Variants in RREB1 observed in about 807,000 individuals in gnomAD.
RREB1 encodes the protein ras-responsive element-binding protein 1.
Under a neutral mutation model 117.8 loss-of-function variants are expected in RREB1, and 27 were observed. That is an observed-to-expected ratio of 0.23 (90% CI 0.17 to 0.32). The LOEUF is 0.32. Ranked by LOEUF, RREB1 falls within the 10% of genes least tolerant of loss-of-function variation. RREB1 has a pLI of 1.00. For missense variants in RREB1, 2,577 were observed against 2,378.2 expected (o/e 1.08, Z -1.74); for synonymous variants, 1,298 against 1,026.7 (o/e 1.26, Z -5.05).
intron 6 of RREB1, among the ~76,000 whole-genome samples, chr6:7,193,074 C>G (rs1182387113): frequency 6.6e-6 from 1 of 152,162 alleles, no homozygotes; most frequent in Non-Finnish European, 1.5e-5. Flanking sequence ...CTTCAGTTTT[C>G]ACAAATTTGT....
At chr6:7,180,406 T>A (rs1264782260) in intron 2 of RREB1, among the ~76,000 whole-genome samples, 1 of 152,222 alleles carries the variant, frequency 6.6e-6, no homozygotes, top group Non-Finnish European at 1.5e-5. Flanking sequence ...ACAGCTGAGA[T>A]GATGAGCTTG....
chr6:7,214,766 A>G (rs1397349941), intron 8 of RREB1: 1 of 152,284 alleles, frequency 6.6e-6, no homozygotes, highest in East Asian at 1.9e-4. Flanking sequence ...TTTGTAACTC[A>G]AAACAGCTGT....
chr6:7,140,532 G>A (rs1762519177), intron 1 of RREB1: 3 of 152,172 alleles, frequency 2.0e-5, no homozygotes. Context: ...CCCAACTTTT[G>A]CCTATCATTT....
chr6:7,191,405 A>AT (rs972975129), intron 6 of RREB1, among the ~76,000 whole-genome samples: 1 of 152,150 alleles, frequency 6.6e-6, no homozygotes, highest in African/African-American at 2.4e-5. Context: ...CTTTTTGGTT[A>AT]TTACGAACAA....
At chr6:7,218,282 G>A (rs1767024776) in intron 8 of RREB1, 2 of 152,224 alleles carry the variant, frequency 1.3e-5, no homozygotes, top group Non-Finnish European at 2.9e-5. Context: ...TGGTAGACTT[G>A]ATGGAGTTAC....
chr6:7,140,129 T>C (rs186229176), intron 1 of RREB1, among the ~76,000 whole-genome samples: 75 of 152,330 alleles, frequency 4.9e-4, no homozygotes, highest in Admixed American at 2.7e-3. Flanking sequence ...ACACTTTAAA[T>C]CTCTTTATGT....
chr6:7,228,873 T>C, intron 9 of RREB1, 124 bp from the exon 10 acceptor site: 3 of 839,232 alleles, frequency 3.6e-6, no homozygotes, highest in East Asian at 6.2e-5. Flanking sequence ...GAACTCTTTA[T>C]GTTATGGGGA....
At chr6:7,147,871 TTG>T (rs972167524) in intron 1 of RREB1, among the ~76,000 whole-genome samples, 2 of 152,082 alleles carry the variant, frequency 1.3e-5, no homozygotes, top group African/African-American at 2.4e-5. Flanking sequence ...AAAAAAAAGT[TTG>T]TGTTTTAAGC....
chr6:7,240,295 T>C (rs75906211), intron 10 of RREB1, 143 bp from the exon 11 acceptor site: 8 of 500,288 alleles, frequency 1.6e-5, no homozygotes, highest in South Asian at 9.6e-5. Flanking sequence ...TTTTTTTTTT[T>C]CTAATGTGTT....
chr6:7,110,138 C>T lies in RREB1; in HGVS notation c.-285+2078C>T, dbSNP rs113003489. Among the ~76,000 whole-genome samples the T allele has an allele frequency of 5.4e-3, 818 of 152,276 alleles. 6 individuals are homozygous for T. The highest frequency in any genetic ancestry group is 8.9e-3 in the Non-Finnish European group (605 of 68,044). On this transcript the variant is annotated intron_variant, in intron 1 of 12. Transcript: ENST00000379938. ...TTCCCCTTTATATATGTAGTGGACCCTGCATGTGTGCGAGTTGATTCTGAA... is the reference window on the plus strand; with the variant it reads ...TTCCCCTTTATATATGTAGTGGACCTTGCATGTGTGCGAGTTGATTCTGAA...
At chr6:7,242,699 A>AGGG (rs1222808152) in intron 11 of RREB1, among the ~76,000 whole-genome samples, 1 of 79,552 alleles carries the variant, frequency 1.3e-5, no homozygotes, top group Non-Finnish European at 2.4e-5. Context: ...ACTTAAAAAA[A>AGGG]AGGGGGGGGG....
intron 6 of RREB1, among the ~76,000 whole-genome samples, chr6:7,195,969 T>G (rs1765644723): frequency 6.6e-6 from 1 of 152,236 alleles, no homozygotes; most frequent in Non-Finnish European, 1.5e-5. Context: ...GTTTCATTTC[T>G]CTGAAGGCTT....
rs1312235983 is a variant in RREB1 at position 7,230,196 on chromosome 6, C to T, written c.2097C>T (p.Tyr699=). 3 of 1,606,188 alleles carry T rather than the reference C, an allele frequency of 1.9e-6. No individual in the cohort carries two copies. In the Admixed American group the frequency reaches 5.0e-5, roughly 27 times the overall value. Residue 699 remains tyrosine (Y), a synonymous_variant, in exon 10 of 13, where the codon TAC becomes TAT. Transcript: ENST00000379938. Reference sequence around the variant, plus strand: ...GCACGCACAGTGGGGAGCGGCCCTACATTTGCAAGATCTGCCACTACCCCT... The same window carrying T: ...GCACGCACAGTGGGGAGCGGCCCTATATTTGCAAGATCTGCCACTACCCCT... ...HLRTHSGERP[Y]ICKICHYPFT...
Position 7,249,101 on chromosome 6 carries a change from G to GAGACAGACAGACAGACAGACAGAC in RREB1, c.*138_*139insGACAGACAGACAGACAGACAGACA, listed in dbSNP as rs1364941319. 1 of 592,046 alleles carries GAGACAGACAGACAGACAGACAGAC rather than the reference G, an allele frequency of 1.7e-6. No homozygotes were observed. Among genetic ancestry groups the GAGACAGACAGACAGACAGACAGAC allele is most frequent in the Admixed American group, 3.5e-5 (1 of 28,894 alleles). The allele number at this position is 592,046 out of a possible 1,614,324, so 36.7% of individuals were successfully genotyped here. The stretch of plus-strand genomic sequence containing the variant: ...AGAGAGAGAGAGAGAGAGAGAGAGA[G>GAGACAGACAGACAGACAGACAGAC]AGACAAGCAGGAGCGTGGCTGCTCG... On this transcript the variant is annotated 3_prime_UTR_variant, in exon 13 of 13. Transcript: ENST00000379938.
At chr6:7,239,044 C>T (rs1483350845) in intron 10 of RREB1, among the ~76,000 whole-genome samples, 2 of 152,246 alleles carry the variant, frequency 1.3e-5, no homozygotes, top group South Asian at 2.1e-4. Flanking sequence ...TGGGAAAACA[C>T]GTGGCCCCTC....
chr6:7,222,221 G>C (rs922368324), intron 8 of RREB1, among the ~76,000 whole-genome samples: 1 of 152,102 alleles, frequency 6.6e-6, no homozygotes, highest in African/African-American at 2.4e-5. Flanking sequence ...AGAATCCGCT[G>C]GTGTGCTTGT....
intron 1 of RREB1, among the ~76,000 whole-genome samples, chr6:7,158,078 G>T (rs1315150232): frequency 6.6e-6 from 1 of 152,116 alleles, no homozygotes; most frequent in African/African-American, 2.4e-5. Flanking sequence ...GAATCCCACA[G>T]GACCAAGACC....
intron 10 of RREB1, among the ~76,000 whole-genome samples, chr6:7,237,173 C>T (rs1357164824): frequency 6.6e-6 from 1 of 152,054 alleles, no homozygotes; most frequent in Non-Finnish European, 1.5e-5. Flanking sequence ...ACAACCTCTG[C>T]CTCCCGGGTT....
chr6:7,232,034 T>C (rs1304571843), intron 10 of RREB1, 127 bp downstream of exon 10: 5 of 975,656 alleles, frequency 5.1e-6, no homozygotes, highest in Non-Finnish European at 7.4e-6. Flanking sequence ...TCTTCCCCGG[T>C]CTCCGAAGCC....
Sources: gnomAD v4.1 joint callset for allele counts (sites outside exome capture counted in the v4.1 genomes callset) on GRCh38, gnomAD v4.1.1 for gene constraint, MANE v1.5 for transcripts, NCBI Gene and HGNC (gene_info 2026-07-23, HGNC 2026-07-21) for gene names.